SUDS3: variants seen among roughly 807,000 people sequenced by gnomAD.
SUDS3 encodes the protein SIN3A corepressor complex component SDS3.
A neutral mutation model predicts 53.5 loss-of-function variants in SUDS3; 23 were observed. The observed-to-expected ratio is 0.43, with a 90% CI of 0.31 to 0.61. The LOEUF (loss-of-function observed/expected upper bound fraction) is 0.61, where lower values mean the gene tolerates loss of function less well. Among genes scored for constraint, SUDS3 ranks in the 20% least tolerant of loss-of-function variants. SUDS3 has a pLI of 0.10. For synonymous variants in SUDS3, 150 were observed against 148.5 expected, an observed-to-expected ratio of 1.01 and a Z score of -0.08; for missense variants, 291 against 405.9, an observed-to-expected ratio of 0.72 and a Z score of 2.43.
intron 5 of SUDS3, chr12:118,390,870 T>C: frequency 2.0e-6 from 1 of 491,850 alleles, no homozygotes. Context: ...GAAATGTGTT[T>C]TAGTATAAAA....
intron 4 of SUDS3, among the ~76,000 whole-genome samples, chr12:118,387,031 C>T (rs1340607302): frequency 1.3e-5 from 2 of 152,172 alleles, no homozygotes; most frequent in Non-Finnish European, 2.9e-5. Flanking sequence ...CCTCATGCTG[C>T]TGTCATCTTT....
At chr12:118,394,165 G>T (rs1666510234) in intron 6 of SUDS3, among the ~76,000 whole-genome samples, 1 of 152,194 alleles carries the variant, frequency 6.6e-6, no homozygotes. Context: ...CACTGTCACA[G>T]ATTTAAATCT....
At chr12:118,409,189 T>C (rs1440918022) in intron 10 of SUDS3, among the ~76,000 whole-genome samples, 1 of 151,338 alleles carries the variant, frequency 6.6e-6, no homozygotes, top group East Asian at 1.9e-4. Flanking sequence ...GCTCTGTTGC[T>C]CAGGCTGGAG....
intron 4 of SUDS3, among the ~76,000 whole-genome samples, chr12:118,387,188 C>T (rs1008758698): frequency 2.0e-5 from 3 of 152,176 alleles, no homozygotes; most frequent in Admixed American, 2.0e-4. Flanking sequence ...GCCTTTCCAC[C>T]TTCTACCTCT....
intron 4 of SUDS3, among the ~76,000 whole-genome samples, chr12:118,387,861 G>T (rs192275324): frequency 6.6e-6 from 1 of 152,264 alleles, no homozygotes; most frequent in East Asian, 1.9e-4. Context: ...CGGCCCTCAT[G>T]TGTTCTTTCA....
intron 6 of SUDS3, among the ~76,000 whole-genome samples, chr12:118,392,628 T>C (rs1315013983): frequency 6.6e-6 from 1 of 152,220 alleles, no homozygotes; most frequent in Non-Finnish European, 1.5e-5. Context: ...AGTAGCACCG[T>C]GGTACCTTAT....
rs145380587 is a variant in SUDS3, at chr12:118,380,070, A to C, written c.143-92A>C. 956 of 979,238 alleles carry C rather than the reference A, an allele frequency of 9.8e-4. 8 individuals carry two copies. In the African/African-American group the frequency reaches 0.014, roughly 14 times the overall value. The allele number at this position is 979,238 out of a possible 1,614,324, so 60.7% of individuals were successfully genotyped here. A position where few individuals can be genotyped will look rare whatever the true frequency, so the allele number is the denominator to read the frequency against. ...CCTGCCTTGAATAGAAATTGATTTT[A>C]CGGGAGTTTATTGAGTGCATACTCT... On this transcript the variant is annotated intron_variant, in intron 1 of 11. Transcript: ENST00000543473.
intron 11 of SUDS3, 100 bp from the exon 12 acceptor site, chr12:118,414,235 C>T (rs1414805623): frequency 3.5e-6 from 3 of 854,716 alleles, no homozygotes; most frequent in East Asian, 5.7e-5. Flanking sequence ...GGCTACCAGC[C>T]TTCTGCTTGC....
Position 118,417,799 on chromosome 12 carries a change from A to G in SUDS3, c.*3366A>G, listed in dbSNP as rs143972387. Reference sequence around the variant, plus strand: ...ATTTTAGGTTTTTGATCCATTGCTTATGGGGAAAGGAAGTTAGGGCAGAGG... The same window carrying G: ...ATTTTAGGTTTTTGATCCATTGCTTGTGGGGAAAGGAAGTTAGGGCAGAGG... On this transcript the variant is annotated 3_prime_UTR_variant, in exon 12 of 12. Transcript: ENST00000543473. The G allele has an allele frequency of 6.6e-6, 1 of 151,898 alleles. No individual in the cohort carries two copies. Among genetic ancestry groups the G allele is most frequent in the East Asian group, 1.9e-4 (1 of 5,152 alleles). The allele number at this position is 151,898 out of a possible 1,614,324, so 9.4% of individuals were successfully genotyped here.
Position 118,376,707 on chromosome 12 carries a change from C to T in SUDS3, c.16C>T (p.Leu6=). MSAAG[L]LAPAPAQAGA... ...CAGAGGCGACATGAGTGCCGCGGGGCTGCTGGCCCCGGCCCCGGCCCAGGC... is the reference window on the plus strand; with the variant it reads ...CAGAGGCGACATGAGTGCCGCGGGGTTGCTGGCCCCGGCCCCGGCCCAGGC... Residue 6 remains leucine (L), a synonymous_variant, in exon 1 of 12, where the codon CTG becomes TTG. Transcript: ENST00000543473. The T allele has an allele frequency of 6.6e-7, 1 of 1,517,010 alleles. No homozygotes were observed. The highest frequency in any genetic ancestry group is 8.8e-7 in the Non-Finnish European group (1 of 1,138,980). The allele number at this position is 1,517,010 out of a possible 1,614,324, so 94.0% of individuals were successfully genotyped here. A position where few individuals can be genotyped will look rare whatever the true frequency, so the allele number is the denominator to read the frequency against.
chr12:118,395,736 G>C lies in SUDS3; in HGVS notation c.517+4454G>C, dbSNP rs1219639937. Among the ~76,000 whole-genome samples, 5 of 152,074 alleles carry C rather than the reference G, an allele frequency of 3.3e-5. No individual in the cohort carries two copies. The East Asian group carries it at 9.7e-4, about 29-fold the overall frequency. ...AGACGTAGTCTAGCTCTGTCACCCA[G>C]GCTGAAGTGCAGTGCCACGGTCTTG... On this transcript the variant is annotated intron_variant, in intron 6 of 11. Coordinates refer to ENST00000543473, the MANE Select transcript of SUDS3 (RefSeq NM_022491.3).
At chr12:118,378,410 T>C (rs1252906250) in intron 1 of SUDS3, among the ~76,000 whole-genome samples, 1 of 152,214 alleles carries the variant, frequency 6.6e-6, no homozygotes, top group Non-Finnish European at 1.5e-5. Flanking sequence ...ACTTTTTTTT[T>C]GTTATTCCTA....
In SUDS3 at chr12:118,402,944, A is replaced by G. The variant is rs971621915; in HGVS notation, c.698-468A>G. On this transcript the variant is annotated intron_variant, in intron 9 of 11. Coordinates refer to ENST00000543473, the MANE Select transcript of SUDS3 (RefSeq NM_022491.3). Reference sequence around the variant, plus strand: ...CCCAGCTAACTTTTGTATTTTTACTAGAGATGGGGTTTCACCATGTTGGCC... The same window carrying G: ...CCCAGCTAACTTTTGTATTTTTACTGGAGATGGGGTTTCACCATGTTGGCC... 3.3e-5 allele frequency among the ~76,000 whole-genome samples: 5 copies of G among 152,128 alleles called. No homozygotes were observed. The South Asian group carries it at 1.0e-3, about 32-fold the overall frequency.
intron 6 of SUDS3, among the ~76,000 whole-genome samples, chr12:118,398,837 G>A (rs1193278870): frequency 3.9e-5 from 6 of 151,980 alleles, no homozygotes; most frequent in African/African-American, 1.5e-4. Context: ...TAGGTGTTGG[G>A]GTGGAATTCA....
intron 2 of SUDS3, among the ~76,000 whole-genome samples, chr12:118,382,706 C>T (rs758013004): frequency 1.2e-4 from 17 of 141,218 alleles, no homozygotes; most frequent in Admixed American, 8.5e-4. Flanking sequence ...CTTGCTCTGT[C>T]GCCCAGGCTG....
rs1178633548 is a variant in SUDS3 at position 118,411,278 on chromosome 12, G to A, written c.888+121G>A. The A allele has an allele frequency of 7.2e-6, 6 of 835,964 alleles. No homozygotes were observed. In the East Asian group the frequency reaches 1.4e-4, roughly 19 times the overall value. The allele number at this position is 835,964 out of a possible 1,614,324, so 51.8% of individuals were successfully genotyped here. ...CAGTGGAGTACTGTCTTCTATGTGGGTTAGATTCTAAAGTCAGGCAGAAAT... is the reference window on the plus strand; with the variant it reads ...CAGTGGAGTACTGTCTTCTATGTGGATTAGATTCTAAAGTCAGGCAGAAAT... On this transcript the variant is annotated intron_variant, in intron 11 of 11. Coordinates refer to ENST00000543473, the MANE Select transcript of SUDS3 (RefSeq NM_022491.3).
intron 6 of SUDS3, among the ~76,000 whole-genome samples, chr12:118,398,300 A>C (rs1283440510): frequency 6.6e-6 from 1 of 152,010 alleles, no homozygotes; most frequent in East Asian, 1.9e-4. Flanking sequence ...GCACTTACAA[A>C]CCTGTGTTAG....
chr12:118,402,834 C>T (rs555998561), intron 9 of SUDS3, among the ~76,000 whole-genome samples: 1 of 151,714 alleles, frequency 6.6e-6, no homozygotes, highest in East Asian at 1.9e-4. Context: ...GAACTCGGCT[C>T]AGTGCAACCT....
chr12:118,409,520 G>A (rs1335397396), intron 10 of SUDS3, among the ~76,000 whole-genome samples: 1 of 145,686 alleles, frequency 6.9e-6, no homozygotes, highest in Non-Finnish European at 1.5e-5. Context: ...TTCATAAGTA[G>A]CAGGTTAAAG....
Sources: gnomAD v4.1 joint callset for allele counts (sites outside exome capture counted in the v4.1 genomes callset) on GRCh38, gnomAD v4.1.1 for gene constraint, MANE v1.5 for transcripts, NCBI Gene and HGNC (gene_info 2026-07-23, HGNC 2026-07-21) for gene names.